Variants in RBFOX3 observed in about 807,000 individuals in gnomAD.
The protein encoded by RBFOX3 is RNA binding fox-1 homolog 3.
A neutral mutation model predicts 48.7 loss-of-function variants in RBFOX3; 17 were observed. The observed-to-expected ratio is 0.35, with a 90% CI of 0.24 to 0.52. RBFOX3 has a LOEUF of 0.52. Ranked by LOEUF, RBFOX3 falls within the 20% of genes least tolerant of loss-of-function variation. RBFOX3 has a pLI of 0.94. For missense variants in RBFOX3, 382 were observed against 497.5 expected, an observed-to-expected ratio of 0.77 and a Z score of 2.21; for synonymous variants, 212 against 209.5, an observed-to-expected ratio of 1.01 and a Z score of -0.10.
intron 1 of RBFOX3, among the ~76,000 whole-genome samples, chr17:79,605,407 T>C (rs1178930086): frequency 6.6e-6 from 1 of 152,172 alleles, no homozygotes; most frequent in Non-Finnish European, 1.5e-5. Context: ...AAAATAGACA[T>C]ACCCGGCCAC....
chr17:79,486,013 G>A (rs112168582), intron 1 of RBFOX3, among the ~76,000 whole-genome samples: 54 of 152,380 alleles, frequency 3.5e-4, no homozygotes, highest in East Asian at 1.7e-3. Flanking sequence ...CTCCGCGTGC[G>A]CTCCTGTACC....
rs2078727846 is a variant in RBFOX3, at chr17:79,481,198, C to A, written c.-175+1256G>T. Among the ~76,000 whole-genome samples, 1 of 152,186 alleles carries A rather than the reference C, an allele frequency of 6.6e-6. No individual in the cohort carries two copies. The highest frequency in any genetic ancestry group is 1.5e-5 in the Non-Finnish European group (1 of 68,024). On this transcript the variant is annotated intron_variant, in intron 2 of 14. Coordinates refer to ENST00000693108, the MANE Select transcript of RBFOX3 (RefSeq NM_001350451.2). The surrounding 1 kb of genome is among the most constrained non-coding windows in gnomAD (Gnocchi z 5.4). The stretch of plus-strand genomic sequence containing the variant: ...ACCAGCCTGTGTCCGGGCCTCTGGT[C>A]TCTTTGTCCAGGGTTCTCGTCGGCA...
chr17:79,588,774 A>G (rs1314179363), intron 1 of RBFOX3, among the ~76,000 whole-genome samples: 1 of 150,256 alleles, frequency 6.7e-6, no homozygotes, highest in South Asian at 2.1e-4. Flanking sequence ...TCCCGTCCTG[A>G]GCTTGGACCT....
chr17:79,145,014 C>T (rs1429147637), intron 4 of RBFOX3, among the ~76,000 whole-genome samples: 2 of 152,138 alleles, frequency 1.3e-5, no homozygotes, highest in South Asian at 2.1e-4. Flanking sequence ...AATGATGCCT[C>T]GAGGCTCTCA....
rs921129964 is a variant in RBFOX3 at position 79,590,658 on chromosome 17, A to G, written c.-320+20168T>C. On this transcript the variant is annotated intron_variant, in intron 1 of 14. Coordinates refer to ENST00000693108, the MANE Select transcript of RBFOX3 (RefSeq NM_001350451.2). ...AGGAGGCGGAAAATCCAGGATACCA[A>G]TGAAGTTCATTCTGGCCACCTGGCA... Among the ~76,000 whole-genome samples the G allele has an allele frequency of 2.6e-3, 396 of 152,272 alleles. 1 individual carries two copies. The highest frequency in any genetic ancestry group is 8.0e-3 in the African/African-American group (333 of 41,544).
chr17:79,483,939 G>A (rs2079146512), intron 1 of RBFOX3, among the ~76,000 whole-genome samples: 1 of 152,258 alleles, frequency 6.6e-6, no homozygotes, highest in East Asian at 1.9e-4. Flanking sequence ...GGGCTGGCAG[G>A]GGGTAGACCC....
chr17:79,422,086 C>T (rs971764479), intron 2 of RBFOX3, among the ~76,000 whole-genome samples: 5 of 151,928 alleles, frequency 3.3e-5, no homozygotes, highest in Admixed American at 6.5e-5. Context: ...CTGAGAGAGG[C>T]GGGACTTGGA....
chr17:79,342,430 C>T (rs1467464990), intron 2 of RBFOX3, among the ~76,000 whole-genome samples: 4 of 152,168 alleles, frequency 2.6e-5, no homozygotes, highest in Admixed American at 6.5e-5. Flanking sequence ...AATGCTGGAG[C>T]CTTCACTTGC....
At chr17:79,167,745 T>G (rs1213273627) in intron 4 of RBFOX3, among the ~76,000 whole-genome samples, 1 of 152,206 alleles carries the variant, frequency 6.6e-6, no homozygotes, top group Non-Finnish European at 1.5e-5. Context: ...CTGGGGCCTC[T>G]TCAACCCTGG....
At position 79,314,647 on chromosome 17, in the gene RBFOX3, C is replaced by CA. The variant is rs758287403; in HGVS notation, c.-174-6824_-174-6823insT. On this transcript the variant is annotated intron_variant, in intron 2 of 14. Transcript: ENST00000693108. The stretch of plus-strand genomic sequence containing the variant: ...GATTCTCCACAGTAGATAAAAGGAA[C>CA]GTATCAGAAACACACCAGAGCTGCA... Among the ~76,000 whole-genome samples, 527 of 133,130 alleles carry CA rather than the reference C, an allele frequency of 4.0e-3. 3 individuals are homozygous for CA. The highest frequency in any genetic ancestry group is 0.031 in the Middle Eastern group (8 of 254). 87.3% of individuals were successfully genotyped at this position (133,130 alleles called of 152,430 possible).
intron 14 of RBFOX3, chr17:79,092,413 G>A: frequency 2.0e-6 from 2 of 985,760 alleles, no homozygotes; most frequent in African/African-American, 1.7e-5. Context: ...GCACAGGTGG[G>A]GTGGGGAGAC....
chr17:79,238,732 C>T (rs1338027769), intron 3 of RBFOX3, among the ~76,000 whole-genome samples: 5 of 152,070 alleles, frequency 3.3e-5, no homozygotes, highest in African/African-American at 4.8e-5. Flanking sequence ...CACACACGTA[C>T]GAGTGTCTTT....
At chr17:79,415,370 G>A (rs1308198817) in intron 2 of RBFOX3, among the ~76,000 whole-genome samples, 1 of 152,122 alleles carries the variant, frequency 6.6e-6, no homozygotes, top group Non-Finnish European at 1.5e-5. Flanking sequence ...TTTGATCCTG[G>A]GGGTCAGAGT....
chr17:79,518,742 C>T (rs1253072440), intron 1 of RBFOX3, among the ~76,000 whole-genome samples: 4 of 152,196 alleles, frequency 2.6e-5, no homozygotes, highest in East Asian at 1.9e-4. Flanking sequence ...AGAAGCAACA[C>T]GGTGCAGAGT....
At chr17:79,134,694 G>A (rs1204814980) in intron 4 of RBFOX3, among the ~76,000 whole-genome samples, 1 of 152,202 alleles carries the variant, frequency 6.6e-6, no homozygotes, top group African/African-American at 2.4e-5. Context: ...CACCCTGACC[G>A]TGTCAGAGAC....
intron 2 of RBFOX3, among the ~76,000 whole-genome samples, chr17:79,354,666 T>C (rs766724982): frequency 1.3e-5 from 2 of 152,390 alleles, no homozygotes; most frequent in Non-Finnish European, 2.9e-5. Flanking sequence ...AGGTTCCTGC[T>C]GCCTCTGGTG....
intron 1 of RBFOX3, among the ~76,000 whole-genome samples, chr17:79,491,020 T>G (rs1598916790): frequency 9.6e-6 from 1 of 104,588 alleles, no homozygotes; most frequent in Non-Finnish European, 1.9e-5. Flanking sequence ...AACCCTGGAG[T>G]GAATCGGAGA....
At chr17:79,460,119 T>C (rs1265867169) in intron 2 of RBFOX3, among the ~76,000 whole-genome samples, 3 of 152,148 alleles carry the variant, frequency 2.0e-5, no homozygotes, top group Non-Finnish European at 4.4e-5. Flanking sequence ...GGGGAGAGGC[T>C]GCTAATGAGT....
chr17:79,313,057 C>T (rs2077065253), intron 2 of RBFOX3, among the ~76,000 whole-genome samples: 1 of 152,200 alleles, frequency 6.6e-6, no homozygotes, highest in African/African-American at 2.4e-5. Context: ...GGACCCAAAC[C>T]CAGGGCATCT....
Sources: allele counts gnomAD v4.1 joint callset (sites outside exome capture counted in the v4.1 genomes callset), GRCh38; gene constraint gnomAD v4.1.1; non-coding constraint Gnocchi (gnomAD v3.1); transcripts MANE v1.5; gene names NCBI Gene and HGNC (gene_info 2026-07-23, HGNC 2026-07-21).